Variants in FBLN2 observed in about 807,000 individuals in gnomAD.
FBLN2 encodes the protein fibulin 2.
Under a neutral mutation model 123.7 loss-of-function variants are expected in FBLN2, and 81 were observed. That is an observed-to-expected ratio of 0.65 (90% confidence interval 0.55 to 0.79). FBLN2 has a LOEUF of 0.79. FBLN2 is among the 30% of genes least tolerant of loss of function. FBLN2 has a pLI of 0.00. For synonymous variants in FBLN2, 699 were observed against 701.4 expected (o/e 1.00, Z 0.05); for missense variants, 1,603 against 1,681.3 (o/e 0.95, Z 0.81).
chr3:13,619,641 TA>T lies in FBLN2; in HGVS notation c.2054-88del, dbSNP rs375398719. On this transcript the variant is annotated intron_variant, in intron 7 of 17. Transcript: ENST00000404922. ...TAGGGGCCTTGTTTCTGTGTCTCACTAGTAGGTTAGAGCCAGGGATGGGGAA... is the reference window on the plus strand; with the variant it reads ...TAGGGGCCTTGTTTCTGTGTCTCACTGTAGGTTAGAGCCAGGGATGGGGAA... 4.9e-5 allele frequency: 51 copies of T among 1,047,920 alleles called. No individual in the cohort carries two copies. In the African/African-American group the frequency reaches 6.6e-4, roughly 13 times the overall value. The allele number at this position is 1,047,920 out of a possible 1,614,324, so 64.9% of individuals were successfully genotyped here.
chr3:13,627,302 A>C (rs931738710), intron 10 of FBLN2, among the ~76,000 whole-genome samples: 8 of 152,166 alleles, frequency 5.3e-5, no homozygotes, highest in African/African-American at 1.9e-4. Flanking sequence ...ACAGAAAGAC[A>C]GTCTCCGGGG....
At chr3:13,559,654 C>T (rs997635892) in intron 1 of FBLN2, among the ~76,000 whole-genome samples, 1 of 152,164 alleles carries the variant, frequency 6.6e-6, no homozygotes, top group Non-Finnish European at 1.5e-5. Context: ...GAATATGTGC[C>T]AGGTGGTCAG....
intron 2 of FBLN2, among the ~76,000 whole-genome samples, chr3:13,597,119 A>G (rs1313779444): frequency 6.6e-6 from 1 of 151,980 alleles, no homozygotes; most frequent in Non-Finnish European, 1.5e-5. Flanking sequence ...TTTTGTAGAG[A>G]TGGAGTCTGG....
At chr3:13,601,191 G>A (rs1213426937) in intron 2 of FBLN2, among the ~76,000 whole-genome samples, 1 of 152,166 alleles carries the variant, frequency 6.6e-6, no homozygotes, top group East Asian at 1.9e-4. Flanking sequence ...TATCCTCATT[G>A]GGCATCCCAC....
chr3:13,568,416 T>C (rs1183235127), intron 1 of FBLN2, among the ~76,000 whole-genome samples: 1 of 152,238 alleles, frequency 6.6e-6, no homozygotes, highest in East Asian at 1.9e-4. Flanking sequence ...CTCTCTCACC[T>C]GCTCCCTGCT....
At chr3:13,581,222 T>TGGGGGGGGGGGGGGGGGGGG (rs138166929) in intron 2 of FBLN2, among the ~76,000 whole-genome samples, 1 of 42,352 alleles carries the variant, frequency 2.4e-5, no homozygotes, top group African/African-American at 8.2e-5. Context: ...AGGTGGGGGG[T>TGGGGGGGGGGGGGGGGGGGG]GGGGGGGAGG....
intron 17 of FBLN2, among the ~76,000 whole-genome samples, chr3:13,637,074 T>C (rs1706499595): frequency 6.6e-6 from 1 of 152,146 alleles, no homozygotes; most frequent in South Asian, 2.1e-4. Context: ...CCCAGCTCAG[T>C]GTATCAGAAG....
chr3:13,570,278 A>G (rs1574949365), intron 1 of FBLN2, 37 bp from the exon 2 acceptor site: 1 of 1,449,380 alleles, frequency 6.9e-7, no homozygotes, highest in African/African-American at 1.4e-5. Context: ...GTGTGTGCAC[A>G]CCCAGTACTG....
intron 11 of FBLN2, 96 bp downstream of exon 11, chr3:13,628,065 C>T: frequency 6.9e-7 from 1 of 1,448,832 alleles, no homozygotes; most frequent in South Asian, 1.4e-5. Context: ...GGAGGCCTGG[C>T]TTGCTGCTCC....
At chr3:13,562,583 C>T (rs1371970806) in intron 1 of FBLN2, among the ~76,000 whole-genome samples, 3 of 152,152 alleles carry the variant, frequency 2.0e-5, no homozygotes, top group Admixed American at 2.0e-4. Context: ...CCTCTATCTC[C>T]TGACCTCATG....
Position 13,618,134 on chromosome 3 carries a change from G to A in FBLN2, c.1788G>A (p.Leu596=). 1 of 1,613,564 alleles carries A rather than the reference G, an allele frequency of 6.2e-7. No individual in the cohort carries two copies. Among genetic ancestry groups the A allele is most frequent in the East Asian group, 2.2e-5 (1 of 44,858 alleles). The change falls in exon 6 of 18, where the codon CTG becomes CTA. Residue 596 remains leucine, a synonymous_variant. Coordinates refer to ENST00000404922, the MANE Select transcript of FBLN2 (RefSeq NM_001004019.2). ...EALSLGTEAE[L]PNSLPGDDQD... is the part of the protein sequence containing the mutation. ...TGTCACTGGGCACAGAGGCCGAGCT[G>A]CCGAACAGCCTGCCGGGCGATGACC... is the stretch of plus-strand genomic sequence containing the variant.
At chr3:13,589,792 T>C (rs1704613505) in intron 2 of FBLN2, among the ~76,000 whole-genome samples, 1 of 152,218 alleles carries the variant, frequency 6.6e-6, no homozygotes, top group Admixed American at 6.5e-5. Flanking sequence ...ATAGCTCGTT[T>C]TATAAAAGCA....
rs113102006 is a variant in FBLN2, at chr3:13,624,320, C to T, written c.2297-2125C>T. Among the ~76,000 whole-genome samples the T allele has an allele frequency of 8.5e-4, 130 of 152,262 alleles. 1 individual carries two copies. Among genetic ancestry groups the T allele is most frequent in the African/African-American group, 2.9e-3 (122 of 41,546 alleles). ...AAACCACCTGACCCTGGTGAGCCTC[C>T]GCTCATGGTGCTGCTGTTGTTACCA... On this transcript the variant is annotated intron_variant, in intron 9 of 17. Coordinates refer to ENST00000404922, the MANE Select transcript of FBLN2 (RefSeq NM_001004019.2).
chr3:13,562,558 T>A (rs559592691), intron 1 of FBLN2, among the ~76,000 whole-genome samples: 2 of 152,254 alleles, frequency 1.3e-5, no homozygotes, highest in African/African-American at 4.8e-5. Flanking sequence ...CGTTTCACCA[T>A]GTTGGCCAGG....
chr3:13,555,831 C>T (rs1442379091), intron 1 of FBLN2, among the ~76,000 whole-genome samples: 1 of 152,240 alleles, frequency 6.6e-6, no homozygotes, highest in African/African-American at 2.4e-5. Context: ...GAGACGGTCT[C>T]CAATAGCCAG....
intron 4 of FBLN2, 42 bp downstream of exon 4, chr3:13,609,684 C>CATTGCTGGGGGGGGGGGGGGGGGGGGGG: frequency 5.1e-6 from 1 of 196,566 alleles, no homozygotes; most frequent in Non-Finnish European, 9.5e-6. Flanking sequence ...TGGGGTGGGG[C>CATTGCTGGGGGGGGGGGGGGGGGGGGGG]GGGGCGGGAG....
At chr3:13,600,251 C>T (rs1704986261) in intron 2 of FBLN2, among the ~76,000 whole-genome samples, 1 of 152,042 alleles carries the variant, frequency 6.6e-6, no homozygotes, top group African/African-American at 2.4e-5. Context: ...CTCTGCCTCC[C>T]ACATTTTGGA....
At chr3:13,609,066 G>A (rs780217090) in intron 3 of FBLN2, among the ~76,000 whole-genome samples, 7 of 152,188 alleles carry the variant, frequency 4.6e-5, no homozygotes, top group Non-Finnish European at 1.0e-4. Flanking sequence ...CCTGTCCCCC[G>A]TAATCCCCGC....
In FBLN2 at chr3:13,570,608, G is replaced by T. The variant is rs201947824; in HGVS notation, c.253G>T (p.Ala85Ser). The change falls in exon 2 of 18, where the codon GCC (alanine) becomes TCC (serine). Residue 85 changes from alanine to serine, a missense_variant. By Grantham distance (99) the Ala-to-Ser change is moderately conservative (BLOSUM62 1). Transcript: ENST00000404922. ...QGGFVRGRVP[A>S]GQSYFVDFGS... is the part of the protein sequence containing the mutation. The stretch of plus-strand genomic sequence containing the variant: ...TGGCTTCGTGCGCGGCCGCGTGCCC[G>T]CCGGTCAGTCCTATTTTGTGGACTT... 5 of 1,578,020 alleles carry T rather than the reference G, an allele frequency of 3.2e-6. No homozygotes were observed. The highest frequency in any genetic ancestry group is 1.8e-5 in the Admixed American group (1 of 55,010).
Sources: allele counts gnomAD v4.1 joint callset (sites outside exome capture counted in the v4.1 genomes callset), GRCh38; gene constraint gnomAD v4.1.1; transcripts MANE v1.5; gene names NCBI Gene and HGNC (gene_info 2026-07-23, HGNC 2026-07-21).